The following SKIDA1 variants were observed in gnomAD, a reference collection of about 807,000 sequenced individuals.
SKIDA1 encodes SKI/DACH domain containing 1.
In SKIDA1, 18 loss-of-function variants were observed where a neutral mutation model predicts 51.4. That is an observed-to-expected ratio of 0.35 (90% CI 0.24 to 0.52). The LOEUF is 0.52. SKIDA1 is among the 20% of genes least tolerant of loss of function. The pLI is 0.95. For missense variants in SKIDA1, 1,104 were observed against 1,180.6 expected, an observed-to-expected ratio of 0.94 and a Z score of 0.95; for synonymous variants, 579 against 500.5, an observed-to-expected ratio of 1.16 and a Z score of -2.09.
At position 21,519,122 on chromosome 10, in the gene SKIDA1, G is replaced by T. The variant is rs762153455; in HGVS notation, c.-1300C>A. 1 of 166,970 alleles carries T rather than the reference G, an allele frequency of 6.0e-6. No individual in the cohort carries two copies. The highest frequency in any genetic ancestry group is 1.5e-5 in the Non-Finnish European group (1 of 68,102). The allele number at this position is 166,970 out of a possible 1,614,324, so 10.3% of individuals were successfully genotyped here. A position where few individuals can be genotyped will look rare whatever the true frequency, so the allele number is the denominator to read the frequency against. On this transcript the variant is annotated 5_prime_UTR_variant, in exon 4 of 4. Coordinates refer to ENST00000449193, the MANE Select transcript of SKIDA1 (RefSeq NM_207371.4). The stretch of plus-strand genomic sequence containing the variant: ...GAGTCCCCAGCAAAGCCTTTGCCAG[G>T]GTCCTGTTCACCACAGGTCAGAATT...
At chr10:21,521,045 T>G (rs939525070) in intron 3 of SKIDA1, among the ~76,000 whole-genome samples, 2 of 129,838 alleles carry the variant, frequency 1.5e-5, no homozygotes, top group Admixed American at 1.6e-4. Flanking sequence ...CACTCTTGCT[T>G]GAATGAGTGC....
rs2032306008 is a variant in SKIDA1 at position 21,518,464 on chromosome 10, T to G, written c.-642A>C. The G allele has an allele frequency of 6.0e-6, 1 of 166,490 alleles. No individual in the cohort carries two copies. Among genetic ancestry groups the G allele is most frequent in the African/African-American group, 2.4e-5 (1 of 41,222 alleles). The allele number at this position is 166,490 out of a possible 1,614,324, so 10.3% of individuals were successfully genotyped here. ...ATAATACAGTCGGTATATAAATCTT[T>G]CCATTAAACTATCGGAGCTCAGAAA... On this transcript the variant is annotated 5_prime_UTR_variant, in exon 4 of 4. Transcript: ENST00000449193.
Position 21,517,133 on chromosome 10 carries a change from G to A in SKIDA1, c.690C>T (p.Ala230=), listed in dbSNP as rs1441398974. The A allele has an allele frequency of 3.1e-5, 38 of 1,210,492 alleles. No homozygotes were observed. The highest frequency in any genetic ancestry group is 4.6e-5 in the Admixed American group (1 of 21,962). 75.0% of individuals were successfully genotyped at this position (1,210,492 alleles called of 1,614,324 possible). ...CGGCGGCGGCGGCAGCAGCGGCGGCGGCGGCGGCGGCGGCGGCTGCCGGGT... is the reference window on the plus strand; with the variant it reads ...CGGCGGCGGCGGCAGCAGCGGCGGCAGCGGCGGCGGCGGCGGCTGCCGGGT... ...SKHPAAAAAA[A]AAAAAAAAAA... The change falls in exon 4 of 4, where the codon GCC becomes GCT. Residue 230 remains alanine, a synonymous_variant. Transcript: ENST00000449193. The surrounding 1 kb of genome is among the most constrained non-coding windows in gnomAD (Gnocchi z 6.9).
At chr10:21,521,617 A>G (rs2032398482) in intron 2 of SKIDA1, 137 bp from the exon 3 acceptor site, 1 of 152,266 alleles carries the variant, frequency 6.6e-6, no homozygotes, top group East Asian at 1.9e-4. Context: ...TTATATATAT[A>G]TATCCTTCTC....
chr10:21,516,614 G>C lies in SKIDA1; in HGVS notation c.1209C>G (p.Ser403=). The C allele has an allele frequency of 6.4e-7, 1 of 1,551,852 alleles. No individual in the cohort carries two copies. The highest frequency in any genetic ancestry group is 1.2e-5 in the South Asian group (1 of 84,038). The change falls in exon 4 of 4, where the codon TCC becomes TCG. Residue 403 remains serine, a synonymous_variant. Transcript: ENST00000449193. This position sits in a 1 kb window ranked among gnomAD's most constrained non-coding sequence, Gnocchi z 5.7. ...CTGAGGACACAGAATTGCTGGAGCTGGACAAACTGGAGCCAAAATCCGAGT... is the reference window on the plus strand; with the variant it reads ...CTGAGGACACAGAATTGCTGGAGCTCGACAAACTGGAGCCAAAATCCGAGT... ...ANDSDFGSSL[S]SSSNSVSSEE... is the part of the protein sequence containing the mutation.
intron 2 of SKIDA1, among the ~76,000 whole-genome samples, chr10:21,523,452 A>G (rs946517657): frequency 3.9e-5 from 6 of 152,190 alleles, no homozygotes; most frequent in African/African-American, 1.4e-4. Context: ...CTTTCCCCCC[A>G]ATTATCTTGT....
rs375027656 is a variant in SKIDA1 at position 21,515,743 on chromosome 10, C to A, written c.2080G>T (p.Ala694Ser). 3.5e-5 allele frequency: 57 copies of A among 1,613,882 alleles called. No homozygotes were observed. Among genetic ancestry groups the A allele is most frequent in the Admixed American group, 5.0e-5 (3 of 60,006 alleles). ...AGGTGAGGTTCATATTCTTCATTAGCACTACTGTCTTCTACTTTGATTTTA... is the reference window on the plus strand; with the variant it reads ...AGGTGAGGTTCATATTCTTCATTAGAACTACTGTCTTCTACTTTGATTTTA... The part of the protein sequence containing the change: ...NIKIKVEDSS[A>S]NEEYEPHLFT... The change falls in exon 4 of 4, where the codon GCT becomes TCT. Residue 694 changes from alanine (A) to serine (S), a missense_variant. Ala to Ser is a moderately conservative substitution (Grantham distance 99, BLOSUM62 1). Around this residue, in one of 3 missense-constraint regions of SKIDA1, gnomAD observed 938 missense variants for 886.4 expected, o/e 1.06. Transcript: ENST00000449193.
Position 21,513,751 on chromosome 10 carries a change from T to C in SKIDA1, c.*1345A>G, listed in dbSNP as rs569230958. The C allele has an allele frequency of 6.6e-6, 1 of 152,508 alleles. No individual in the cohort carries two copies. Among genetic ancestry groups the C allele is most frequent in the East Asian group, 1.9e-4 (1 of 5,178 alleles). The allele number at this position is 152,508 out of a possible 1,614,324, so 9.4% of individuals were successfully genotyped here. The stretch of plus-strand genomic sequence containing the variant: ...AAGTTTTAGAGAGATGCAGAAAAAG[T>C]ATAAGGTCATAAAATCCAAGTGCCT... On this transcript the variant is annotated 3_prime_UTR_variant, in exon 4 of 4. Coordinates refer to ENST00000449193, the MANE Select transcript of SKIDA1 (RefSeq NM_207371.4).
rs776634380 is a variant in SKIDA1 at position 21,516,965 on chromosome 10, G to C, written c.858C>G (p.His286Gln). The C allele has an allele frequency of 1.1e-5, 13 of 1,174,658 alleles. No homozygotes were observed. The South Asian group carries it at 3.4e-4, about 30-fold the overall frequency. The allele number at this position is 1,174,658 out of a possible 1,614,324, so 72.8% of individuals were successfully genotyped here. A position where few individuals can be genotyped will look rare whatever the true frequency, so the allele number is the denominator to read the frequency against. Residue 286 changes from histidine (H) to glutamine (Q), a missense_variant, in exon 4 of 4, where the codon CAC becomes CAG. Transcript: ENST00000449193. This position sits in a 1 kb window ranked among gnomAD's most constrained non-coding sequence, Gnocchi z 5.7. ...ACAGCAGCAGGCGCCGCGCGCCGGC[G>C]TGAGGCGCGAGCAGGCAGTCCTTGG... is the stretch of plus-strand genomic sequence containing the variant. ...GGAKDCLLAP[H>Q]AGARRLLLLP...
Position 21,514,958 on chromosome 10 carries a change from C to T in SKIDA1, c.*138G>A. 2 of 870,362 alleles carry T rather than the reference C, an allele frequency of 2.3e-6. No homozygotes were observed. Among genetic ancestry groups the T allele is most frequent in the Non-Finnish European group, 2.7e-6 (2 of 731,854 alleles). 53.9% of individuals were successfully genotyped at this position (870,362 alleles called of 1,614,324 possible). ...AACCCGCAACGGAAAAAAAGTAATC[C>T]GATTTCTGTCTTCAAAATGCGATAA... On this transcript the variant is annotated 3_prime_UTR_variant, in exon 4 of 4. Coordinates refer to ENST00000449193, the MANE Select transcript of SKIDA1 (RefSeq NM_207371.4).
At position 21,516,680 on chromosome 10, in the gene SKIDA1, G is replaced by A. The variant is rs975370491; in HGVS notation, c.1143C>T (p.Ser381=). Residue 381 remains serine, a synonymous_variant, in exon 4 of 4, where the codon AGC becomes AGT. Transcript: ENST00000449193. This position sits in a 1 kb window ranked among gnomAD's most constrained non-coding sequence, Gnocchi z 5.7. The part of the protein sequence containing the change: ...HLGSFPESCS[S]DSESSSYSDH... ...CCGAGTAGGAGCTGGACTCGGAGTC[G>A]CTGCTGCAGCTCTCGGGAAAGCTGC... 2 of 1,551,552 alleles carry A rather than the reference G, an allele frequency of 1.3e-6. No homozygotes were observed. Among genetic ancestry groups the A allele is most frequent in the Non-Finnish European group, 1.7e-6 (2 of 1,146,958 alleles).
intron 1 of SKIDA1, among the ~76,000 whole-genome samples, chr10:21,524,184 G>A (rs538433500): frequency 6.6e-6 from 1 of 152,142 alleles, no homozygotes; most frequent in East Asian, 1.9e-4. Context: ...TTTTAAAGTT[G>A]TTCCACAACA....
rs546202431 is a variant in SKIDA1, at chr10:21,515,328, A to G, written c.2495T>C (p.Val832Ala). 1 of 1,614,004 alleles carries G rather than the reference A, an allele frequency of 6.2e-7. No individual in the cohort carries two copies. The highest frequency in any genetic ancestry group is 1.1e-5 in the South Asian group (1 of 91,082). ...DFTVINRRKK[V>A]ASNVASAVKR... Reference sequence around the variant, plus strand: ...CACTGCTGATGCTACATTGCTGGCTACCTTTTTGCGTCTGTTTATAACTGT... The same window carrying G: ...CACTGCTGATGCTACATTGCTGGCTGCCTTTTTGCGTCTGTTTATAACTGT... Residue 832 changes from valine to alanine, a missense_variant, in exon 4 of 4, where the codon GTA becomes GCA. This residue lies in a region of SKIDA1 where 112 missense variants were observed against 168.3 expected (regional missense o/e 0.67). Coordinates refer to ENST00000449193, the MANE Select transcript of SKIDA1 (RefSeq NM_207371.4).
Position 21,515,767 on chromosome 10 carries a change from T to TGCAC in SKIDA1, c.2055_2056insGTGC (p.Lys686ValfsTer9). 6.2e-7 allele frequency: 1 copy of TGCAC among 1,614,040 alleles called. No individual in the cohort carries two copies. The highest frequency in any genetic ancestry group is 8.5e-7 in the Non-Finnish European group (1 of 1,179,898). On this transcript the variant is annotated frameshift_variant, in exon 4 of 4. Coordinates refer to ENST00000449193, the MANE Select transcript of SKIDA1 (RefSeq NM_207371.4). LOFTEE classifies it high-confidence loss of function. ...GCACTACTGTCTTCTACTTTGATTT[T>TGCAC]AATATTGTGCAGAAATGGCAATGTC... is the stretch of plus-strand genomic sequence containing the variant.
chr10:21,516,590 T>C lies in SKIDA1; in HGVS notation c.1233A>G (p.Ser411=), dbSNP rs2032217410. 6.4e-7 allele frequency: 1 copy of C among 1,551,862 alleles called. No individual in the cohort carries two copies. Among genetic ancestry groups the C allele is most frequent in the African/African-American group, 1.4e-5 (1 of 72,960 alleles). The stretch of plus-strand genomic sequence containing the variant: ...CCTCTCCCTCCTCCTCCTCTTCCTC[T>C]GAGGACACAGAATTGCTGGAGCTGG... The part of the protein sequence containing the change: ...SLSSSSNSVS[S]EEEEEEGEEE... Residue 411 remains serine, a synonymous_variant, in exon 4 of 4, where the codon TCA becomes TCG. Coordinates refer to ENST00000449193, the MANE Select transcript of SKIDA1 (RefSeq NM_207371.4). This position sits in a 1 kb window ranked among gnomAD's most constrained non-coding sequence, Gnocchi z 5.7.
At position 21,517,130 on chromosome 10, in the gene SKIDA1, G is replaced by A. The variant is rs1368753679; in HGVS notation, c.693C>T (p.Ala231=). 3.9e-5 allele frequency: 43 copies of A among 1,098,420 alleles called. No individual in the cohort carries two copies. The highest frequency in any genetic ancestry group is 1.7e-4 in the East Asian group (3 of 17,298). 68.0% of individuals were successfully genotyped at this position (1,098,420 alleles called of 1,614,324 possible). A position where few individuals can be genotyped will look rare whatever the true frequency, so the allele number is the denominator to read the frequency against. Residue 231 remains alanine (A), a synonymous_variant, in exon 4 of 4, where the codon GCC becomes GCT. Transcript: ENST00000449193. This position sits in a 1 kb window ranked among gnomAD's most constrained non-coding sequence, Gnocchi z 6.9. ...KHPAAAAAAA[A]AAAAAAAAAA... Reference sequence around the variant, plus strand: ...CGGCGGCGGCGGCGGCAGCAGCGGCGGCGGCGGCGGCGGCGGCGGCTGCCG... The same window carrying A: ...CGGCGGCGGCGGCGGCAGCAGCGGCAGCGGCGGCGGCGGCGGCGGCTGCCG...
chr10:21,522,764 G>T (rs902153668), intron 2 of SKIDA1, among the ~76,000 whole-genome samples: 1 of 152,170 alleles, frequency 6.6e-6, no homozygotes, highest in Non-Finnish European at 1.5e-5. Flanking sequence ...GTCTTTAACA[G>T]AAGTTTGGGA....
chr10:21,513,807 CTG>C lies in SKIDA1; in HGVS notation c.*1287_*1288del, dbSNP rs1486841364. 1 of 152,206 alleles carries C rather than the reference CTG, an allele frequency of 6.6e-6. No individual in the cohort carries two copies. Among genetic ancestry groups the C allele is most frequent in the Non-Finnish European group, 1.5e-5 (1 of 68,028 alleles). 9.4% of individuals were successfully genotyped at this position (152,206 alleles called of 1,614,324 possible). On this transcript the variant is annotated 3_prime_UTR_variant, in exon 4 of 4. Coordinates refer to ENST00000449193, the MANE Select transcript of SKIDA1 (RefSeq NM_207371.4). ...CTGGTACCAAAAAGCCCTGAAAAAACTGTTATTTTTCATTTGGGGTATTGCAA... is the reference window on the plus strand; with the variant it reads ...CTGGTACCAAAAAGCCCTGAAAAAACTTATTTTTCATTTGGGGTATTGCAA...
In SKIDA1 at chr10:21,519,392, C is replaced by T. The variant is rs2032330806; in HGVS notation, c.-1570G>A. The stretch of plus-strand genomic sequence containing the variant: ...TTGGATGAAAATCAATGTGGTTTAA[C>T]CTCTTCTTAGTCAAATTAAGGCAAA... On this transcript the variant is annotated 5_prime_UTR_variant, in exon 4 of 4. Transcript: ENST00000449193. 6.0e-6 allele frequency: 1 copy of T among 167,074 alleles called. No homozygotes were observed. 10.3% of individuals were successfully genotyped at this position (167,074 alleles called of 1,614,324 possible). A position where few individuals can be genotyped will look rare whatever the true frequency, so the allele number is the denominator to read the frequency against.
Sources: allele counts gnomAD v4.1 joint callset (sites outside exome capture counted in the v4.1 genomes callset), GRCh38; gene constraint gnomAD v4.1.1; regional missense constraint gnomAD v4.1.1; non-coding constraint Gnocchi (gnomAD v3.1); transcripts MANE v1.5; gene names NCBI Gene and HGNC (gene_info 2026-07-23, HGNC 2026-07-21).